MDGA2: variants seen among roughly 807,000 people sequenced by gnomAD.
MDGA2 encodes MAM domain containing glycosylphosphatidylinositol anchor 2.
A neutral mutation model predicts 117.8 loss-of-function variants in MDGA2; 40 were observed. The ratio of observed to expected loss-of-function variants is 0.34; its 90% CI spans 0.26 to 0.44. The LOEUF (loss-of-function observed/expected upper bound fraction) is 0.44. Ranked by LOEUF, MDGA2 falls within the 20% of genes least tolerant of loss-of-function variation. The pLI is 1.00. For missense variants in MDGA2, 1,123 were observed against 1,250.6 expected, an observed-to-expected ratio of 0.90 and a Z score of 1.54; for synonymous variants, 452 against 439.0, an observed-to-expected ratio of 1.03 and a Z score of -0.37.
intron 1 of MDGA2, among the ~76,000 whole-genome samples, chr14:47,430,775 T>C (rs1458785596): frequency 6.6e-6 from 1 of 152,128 alleles, no homozygotes; most frequent in Non-Finnish European, 1.5e-5. Flanking sequence ...CATTTAAATA[T>C]TGACAGTACA....
chr14:47,187,073 C>G (rs1341446423), intron 3 of MDGA2, among the ~76,000 whole-genome samples: 1 of 151,854 alleles, frequency 6.6e-6, no homozygotes, highest in Non-Finnish European at 1.5e-5. Context: ...TTAGCCACAG[C>G]TGCTGCAATT....
intron 14 of MDGA2, among the ~76,000 whole-genome samples, chr14:46,864,011 C>T (rs368796988): frequency 3.9e-5 from 6 of 152,090 alleles, no homozygotes; most frequent in East Asian, 1.9e-4. Flanking sequence ...GTGCGCTGCA[C>T]CCACTAACTC....
chr14:46,941,619 A>G (rs1213467716), intron 9 of MDGA2, among the ~76,000 whole-genome samples: 1 of 152,162 alleles, frequency 6.6e-6, no homozygotes, highest in Non-Finnish European at 1.5e-5. Context: ...TCCTTCACAG[A>G]TTGGTTTTAT....
chr14:46,916,649 A>T (rs1435230988), intron 10 of MDGA2, among the ~76,000 whole-genome samples: 1 of 152,092 alleles, frequency 6.6e-6, no homozygotes, highest in Non-Finnish European at 1.5e-5. Context: ...ATAGTTTTGA[A>T]AAAAAGAGGC....
rs1054047565 is a variant in MDGA2 at position 47,622,281 on chromosome 14, A to G, written c.280+52236T>C. Among the ~76,000 whole-genome samples the G allele has an allele frequency of 2.0e-5, 3 of 152,216 alleles. 1 individual carries two copies. The East Asian group carries it at 5.8e-4, about 29-fold the overall frequency. Reference sequence around the variant, plus strand: ...TGAATGACATCACTATTTTTTACTCAATAAATATTTATTGAACACTTAACT... The same window carrying G: ...TGAATGACATCACTATTTTTTACTCGATAAATATTTATTGAACACTTAACT... On this transcript the variant is annotated intron_variant, in intron 1 of 16. Coordinates refer to ENST00000399232, the MANE Select transcript of MDGA2 (RefSeq NM_001113498.3).
chr14:47,371,293 A>ATTT (rs941663781), intron 1 of MDGA2, among the ~76,000 whole-genome samples: 1 of 151,792 alleles, frequency 6.6e-6, no homozygotes, highest in African/African-American at 2.4e-5. Context: ...CACCGAAAGA[A>ATTT]TTTTTAAGTT....
chr14:47,309,785 A>G (rs1566732392), intron 1 of MDGA2, among the ~76,000 whole-genome samples: 1 of 152,104 alleles, frequency 6.6e-6, no homozygotes, highest in South Asian at 2.1e-4. Flanking sequence ...TATGTGCAGT[A>G]TATGGTATAC....
chr14:47,537,574 TAAA>T (rs58060138), intron 1 of MDGA2, among the ~76,000 whole-genome samples: 74 of 36,588 alleles, frequency 2.0e-3, no homozygotes, highest in African/African-American at 4.4e-3. Flanking sequence ...TTCTCTCTGT[TAAA>T]AAAAAAAAAA....
intron 1 of MDGA2, among the ~76,000 whole-genome samples, chr14:47,517,611 A>C (rs1262462528): frequency 6.6e-6 from 1 of 152,160 alleles, no homozygotes; most frequent in Non-Finnish European, 1.5e-5. Flanking sequence ...AGATAGAGGC[A>C]ATGTACTCTT....
intron 1 of MDGA2, among the ~76,000 whole-genome samples, chr14:47,417,052 T>A (rs1892490009): frequency 6.6e-6 from 1 of 152,172 alleles, no homozygotes; most frequent in Non-Finnish European, 1.5e-5. Flanking sequence ...TGTGATGAGG[T>A]CTCATTGTCT....
chr14:47,567,869 G>C (rs1895948962), intron 1 of MDGA2, among the ~76,000 whole-genome samples: 1 of 152,136 alleles, frequency 6.6e-6, no homozygotes, highest in Non-Finnish European at 1.5e-5. Flanking sequence ...AATTCACTAT[G>C]AATTGTCAGA....
intron 1 of MDGA2, among the ~76,000 whole-genome samples, chr14:47,653,768 T>C (rs548705567): frequency 6.6e-6 from 1 of 151,530 alleles, no homozygotes; most frequent in East Asian, 1.9e-4. Context: ...AAGAGGAGAG[T>C]CAGAGGGAGA....
intron 2 of MDGA2, among the ~76,000 whole-genome samples, chr14:47,219,844 A>G (rs1016096282): frequency 2.6e-5 from 4 of 152,142 alleles, no homozygotes; most frequent in Non-Finnish European, 5.9e-5. Flanking sequence ...ATGTGTGTAC[A>G]TATTACTAAA....
intron 1 of MDGA2, among the ~76,000 whole-genome samples, chr14:47,446,704 C>A (rs2416081): frequency 0.32 from 48,074 of 151,696 alleles, 8,195 homozygotes; most frequent in East Asian, 0.59. Flanking sequence ...TCCTATTCTG[C>A]ATCTCCTTAG....
At chr14:46,973,457 G>A (rs1886343480) in intron 8 of MDGA2, among the ~76,000 whole-genome samples, 3 of 152,194 alleles carry the variant, frequency 2.0e-5, no homozygotes, top group African/African-American at 7.2e-5. Flanking sequence ...CAGCCCCTTT[G>A]AGAAACACTG....
At chr14:46,864,396 T>C (rs7401242) in intron 14 of MDGA2, among the ~76,000 whole-genome samples, 2 of 151,216 alleles carry the variant, frequency 1.3e-5, no homozygotes, top group South Asian at 2.1e-4. Context: ...CTTATTTTTA[T>C]GTCTTTACAT....
At chr14:47,511,691 T>G (rs576777981) in intron 1 of MDGA2, among the ~76,000 whole-genome samples, 1 of 152,180 alleles carries the variant, frequency 6.6e-6, no homozygotes, top group South Asian at 2.1e-4. Flanking sequence ...ATTTAAAATT[T>G]TTGTATATTG....
At position 46,918,944 on chromosome 14, in the gene MDGA2, A is replaced by G. The variant is rs553496902; in HGVS notation, c.2238+1068T>C. ...GCCCGGCTAATTTTTTTGTATTTTT[A>G]GTAGAGACGGGGTTTCACCGTGTTA... On this transcript the variant is annotated intron_variant, in intron 10 of 16. Transcript: ENST00000399232. Among the ~76,000 whole-genome samples, 7 of 151,822 alleles carry G rather than the reference A, an allele frequency of 4.6e-5. No homozygotes were observed. The East Asian group carries it at 1.4e-3, about 29-fold the overall frequency.
intron 8 of MDGA2, among the ~76,000 whole-genome samples, chr14:46,990,862 A>C (rs375478712): frequency 1.3e-4 from 8 of 59,374 alleles, no homozygotes; most frequent in African/African-American, 5.1e-4. Flanking sequence ...GAACACACAC[A>C]CACCCACACA....
Sources: gnomAD v4.1 joint callset for allele counts (sites outside exome capture counted in the v4.1 genomes callset) on GRCh38, gnomAD v4.1.1 for gene constraint, MANE v1.5 for transcripts, NCBI Gene and HGNC (gene_info 2026-07-23, HGNC 2026-07-21) for gene names.